IL1RAPL2: variants seen among roughly 807,000 people sequenced by gnomAD.
IL1RAPL2 encodes X-linked interleukin-1 receptor accessory protein-like 2.
Under a neutral mutation model 44.1 loss-of-function variants are expected in IL1RAPL2, and 3 were observed. That is an observed-to-expected ratio of 0.07 (90% confidence interval 0.03 to 0.18). The LOEUF (loss-of-function observed/expected upper bound fraction) is 0.18, where lower values mean the gene tolerates loss of function less well. Ranked by LOEUF, IL1RAPL2 falls within the 10% of genes least tolerant of loss-of-function variation. The probability of loss-of-function intolerance (pLI) is 1.00; values close to 1 mark genes in which losing one functional copy is unlikely to be tolerated. For missense variants in IL1RAPL2, 391 were observed against 496.4 expected (o/e 0.79, Z 2.02); for synonymous variants, 181 against 178.8 (o/e 1.01, Z -0.10).
At chrX:105,501,093 C>G in intron 6 of IL1RAPL2, among the ~76,000 whole-genome samples, 1 of 111,887 alleles carries the variant, frequency 8.9e-6, no homozygotes, top group Non-Finnish European at 1.9e-5. Flanking sequence ...GCAATAAGCA[C>G]TGTGCCTGAT....
rs210553 is a variant in IL1RAPL2, at chrX:105,659,675, A to T, written c.773-57692A>T. Among the ~76,000 whole-genome samples the T allele has an allele frequency of 7.9e-3, 840 of 107,000 alleles. 8 individuals carry two copies. The highest frequency in any genetic ancestry group is 0.057 in the South Asian group (138 of 2,417). 92.9% of individuals were successfully genotyped at this position (107,000 alleles called of 115,157 possible). On this transcript the variant is annotated intron_variant, in intron 6 of 10. Coordinates refer to ENST00000372582, the MANE Select transcript of IL1RAPL2 (RefSeq NM_017416.2). Reference sequence around the variant, plus strand: ...CTGTCTCAAAAAAAATAAATAAAATAAAAAAAAATAAATAAAAGAATAAAA... The same window carrying T: ...CTGTCTCAAAAAAAATAAATAAAATTAAAAAAAATAAATAAAAGAATAAAA...
chrX:104,620,309 T>C (rs1305031696), intron 1 of IL1RAPL2, among the ~76,000 whole-genome samples: 5 of 104,644 alleles, frequency 4.8e-5, no homozygotes, highest in Middle Eastern at 5.0e-3. Flanking sequence ...AAACCACCTG[T>C]TCCCCCAAAA....
chrX:104,575,007 T>C (rs1268936446), intron 1 of IL1RAPL2, among the ~76,000 whole-genome samples: 3 of 112,037 alleles, frequency 2.7e-5, no homozygotes, highest in Non-Finnish European at 5.6e-5. Flanking sequence ...ATGCTTATGG[T>C]ACTCAATACT....
intron 2 of IL1RAPL2, among the ~76,000 whole-genome samples, chrX:104,851,209 A>G (rs926219505): frequency 1.8e-5 from 2 of 111,874 alleles, no homozygotes; most frequent in Non-Finnish European, 3.8e-5. Context: ...AAAAGAGCCA[A>G]ATCATTTACA....
chrX:104,614,812 C>T (rs752493865), intron 1 of IL1RAPL2, among the ~76,000 whole-genome samples: 14 of 111,216 alleles, frequency 1.3e-4, no homozygotes, highest in Non-Finnish European at 2.6e-4. Context: ...GAATCATGAC[C>T]CCTGCTCTTT....
chrX:104,944,200 A>G (rs16985136), intron 2 of IL1RAPL2, among the ~76,000 whole-genome samples: 2,008 of 111,754 alleles, frequency 0.018, 14 homozygotes, highest in Non-Finnish European at 0.03. Context: ...ATCACTTTCT[A>G]AAAACATTTT....
chrX:104,883,462 G>A (rs776011337), intron 2 of IL1RAPL2, among the ~76,000 whole-genome samples: 23 of 111,162 alleles, frequency 2.1e-4, no homozygotes, highest in African/African-American at 6.2e-4. Flanking sequence ...CCAGGGTCCC[G>A]ACAACAAGTT....
intron 1 of IL1RAPL2, among the ~76,000 whole-genome samples, chrX:104,585,691 T>C (rs769596522): frequency 1.9e-5 from 2 of 107,023 alleles, no homozygotes; most frequent in African/African-American, 6.8e-5. Context: ...TGAAAACGTG[T>C]TATTTGTTTT....
intron 2 of IL1RAPL2, among the ~76,000 whole-genome samples, chrX:105,097,347 A>AC (rs2032618700): frequency 9.4e-6 from 1 of 106,364 alleles, no homozygotes; most frequent in South Asian, 4.3e-4. Context: ...AAAAAAAAAA[A>AC]AAAAAAACAT....
Position 105,076,614 on chromosome X carries a change from C to T in IL1RAPL2, c.83-118861C>T, listed in dbSNP as rs368884070. ...GGATATCCTTGTTAACTTTCTGTCT[C>T]GTTGATCTGTCTAATGTTGACAGTG... On this transcript the variant is annotated intron_variant, in intron 2 of 10. Transcript: ENST00000372582. 1.8e-4 allele frequency among the ~76,000 whole-genome samples: 20 copies of T among 110,947 alleles called. 1 individual carries two copies. In the Admixed American group the frequency reaches 1.8e-3, roughly 10 times the overall value.
At chrX:105,000,967 T>C (rs1014095857) in intron 2 of IL1RAPL2, among the ~76,000 whole-genome samples, 2 of 111,643 alleles carry the variant, frequency 1.8e-5, no homozygotes, top group African/African-American at 6.5e-5. Flanking sequence ...TCAATCTGGT[T>C]CCTAATCAGA....
intron 6 of IL1RAPL2, among the ~76,000 whole-genome samples, chrX:105,652,176 TA>T (rs2147843569): frequency 8.9e-6 from 1 of 111,934 alleles, no homozygotes; most frequent in South Asian, 3.7e-4. Flanking sequence ...GGCTGACATG[TA>T]GGTATGTTAT....
chrX:104,892,759 AT>A (rs745474581), intron 2 of IL1RAPL2, among the ~76,000 whole-genome samples: 2 of 111,069 alleles, frequency 1.8e-5, no homozygotes, highest in African/African-American at 6.5e-5. Context: ...GGATTCATTG[AT>A]TTTTTGAAGG....
At chrX:105,433,612 T>A (rs1005883103) in intron 5 of IL1RAPL2, among the ~76,000 whole-genome samples, 1 of 111,507 alleles carries the variant, frequency 9.0e-6, no homozygotes, top group African/African-American at 3.3e-5. Context: ...GTCCACAGTG[T>A]CATTAGGCTT....
chrX:105,036,835 T>C lies in IL1RAPL2; in HGVS notation c.83-158640T>C, dbSNP rs1427657989. Among the ~76,000 whole-genome samples, 5 of 112,062 alleles carry C rather than the reference T, an allele frequency of 4.5e-5. No homozygotes were observed. The Admixed American group carries it at 4.8e-4, about 11-fold the overall frequency. ...TTGGAGATATTGCAGCAAAACATGA[T>C]AATAATATACAATACAAAGGGATAA... On this transcript the variant is annotated intron_variant, in intron 2 of 10. Transcript: ENST00000372582.
At chrX:105,253,634 T>G (rs2147648466) in intron 4 of IL1RAPL2, among the ~76,000 whole-genome samples, 1 of 111,582 alleles carries the variant, frequency 9.0e-6, no homozygotes, top group African/African-American at 3.3e-5. Flanking sequence ...CACAGGGGTT[T>G]GTTTTACAGA....
chrX:104,582,818 C>CTT (rs1172506728), intron 1 of IL1RAPL2, among the ~76,000 whole-genome samples: 2 of 39,423 alleles, frequency 5.1e-5, no homozygotes, highest in African/African-American at 2.2e-4. Context: ...TCTCTCCTTT[C>CTT]TTTCTCTTTC....
intron 6 of IL1RAPL2, among the ~76,000 whole-genome samples, chrX:105,646,543 A>G (rs2037607259): frequency 8.9e-6 from 1 of 111,856 alleles, no homozygotes; most frequent in Admixed American, 9.5e-5. Flanking sequence ...AACATCAATC[A>G]CTGAATACCT....
intron 2 of IL1RAPL2, among the ~76,000 whole-genome samples, chrX:104,991,553 G>A (rs1055518743): frequency 8.9e-6 from 1 of 111,928 alleles, no homozygotes; most frequent in African/African-American, 3.2e-5. Context: ...TGAGCCTAGA[G>A]TGTTCACACT....
Sources: allele counts gnomAD v4.1 joint callset (sites outside exome capture counted in the v4.1 genomes callset), GRCh38; gene constraint gnomAD v4.1.1; transcripts MANE v1.5; gene names NCBI Gene and HGNC (gene_info 2026-07-23, HGNC 2026-07-21).